The following LHX3 variants were observed in gnomAD, a reference collection of about 807,000 sequenced individuals.
LHX3 encodes LIM homeobox 3.
In LHX3, 21 loss-of-function variants were observed where a neutral mutation model predicts 32.4. That is an observed-to-expected ratio of 0.65 (90% CI 0.46 to 0.93). The LOEUF (loss-of-function observed/expected upper bound fraction) is 0.93. Ranked by LOEUF, LHX3 falls within the 40% of genes least tolerant of loss-of-function variation. The pLI, the probability that LHX3 is intolerant of heterozygous loss-of-function variation, is 0.00. For synonymous variants in LHX3, 258 were observed against 246.8 expected (o/e 1.05, Z -0.43); for missense variants, 626 against 560.0 (o/e 1.12, Z -1.19).
intron 1 of LHX3, 66 bp downstream of exon 1, chr9:136,204,868 G>C: frequency 1.5e-6 from 2 of 1,337,582 alleles, no homozygotes. Context: ...GGCCCTGCAC[G>C]CACCCCCTTC....
chr9:136,201,554 C>G, intron 1 of LHX3: 1 of 1,091,652 alleles, frequency 9.2e-7, no homozygotes, highest in Non-Finnish European at 1.1e-6. Flanking sequence ...TGAGGACTCC[C>G]TCTTCACTTA....
At chr9:136,199,414 C>T (rs1371015656) in intron 3 of LHX3, among the ~76,000 whole-genome samples, 1 of 152,256 alleles carries the variant, frequency 6.6e-6, no homozygotes, top group African/African-American at 2.4e-5. Flanking sequence ...TATGGCCCAG[C>T]CTTCGCGGCC....
At chr9:136,198,544 G>A (rs1377247124) in intron 5 of LHX3, 108 bp downstream of exon 5, 4 of 1,227,488 alleles carry the variant, frequency 3.3e-6, no homozygotes, top group Non-Finnish European at 4.6e-6. Context: ...AGAACTTAAG[G>A]AGTCCACTAA....
chr9:136,197,638 G>A lies in LHX3; in HGVS notation c.881C>T (p.Ser294Phe). ...GRPSGALGNFSLEHGGLAGPE... is the reference protein window; with the variant it reads ...GRPSGALGNFFLEHGGLAGPE... ...GCCTGCCAGGCCTCCATGCTCCAGG[G>A]AGAAGTTGCCCAGGGCTCCCGAGGG... Residue 294 changes from serine (S) to phenylalanine (F), a missense_variant, in exon 6 of 6, where the codon TCC becomes TTC. Coordinates refer to ENST00000371748, the MANE Select transcript of LHX3 (RefSeq NM_178138.6). 2 of 1,588,926 alleles carry A rather than the reference G, an allele frequency of 1.3e-6. No individual in the cohort carries two copies. Among genetic ancestry groups the A allele is most frequent in the Non-Finnish European group, 8.6e-7 (1 of 1,169,430 alleles).
At chr9:136,203,891 C>T (rs548000920) in intron 1 of LHX3, among the ~76,000 whole-genome samples, 74 of 152,372 alleles carry the variant, frequency 4.9e-4, no homozygotes, top group African/African-American at 1.7e-3. Flanking sequence ...CTCTCCAGAA[C>T]CCACCTGTCC....
intron 1 of LHX3, among the ~76,000 whole-genome samples, chr9:136,203,868 C>T (rs1338042818): frequency 6.6e-6 from 1 of 152,226 alleles, no homozygotes; most frequent in Admixed American, 6.5e-5. Flanking sequence ...TTGCCCCAGT[C>T]CACACAGGTG....
In LHX3 at chr9:136,198,189, G is replaced by A. The variant is rs75417289; in HGVS notation, c.776-446C>T. The stretch of plus-strand genomic sequence containing the variant: ...TGGGGACGCAGCATCCCCGGTGCCC[G>A]GAGAATGAAATAAATAATCCAGGCC... On this transcript the variant is annotated intron_variant, in intron 5 of 5. Transcript: ENST00000371748. Among the ~76,000 whole-genome samples the A allele has an allele frequency of 7.9e-3, 1,201 of 152,292 alleles. 29 individuals carry two copies. The South Asian group carries it at 0.087, about 11-fold the overall frequency.
In LHX3 at chr9:136,198,770, G is replaced by A. The variant is rs754028529; in HGVS notation, c.657C>T (p.Ala219=). 10 of 1,611,118 alleles carry A rather than the reference G, an allele frequency of 6.2e-6. No homozygotes were observed. Among genetic ancestry groups the A allele is most frequent in the South Asian group, 5.5e-5 (5 of 91,052 alleles). ...RAKEKRLKKD[A]GRQRWGQYFR... ...AATACTGCCCCCAGCGCTGCCGGCC[G>A]GCGTCCTTCTTCAGCCTCTTCTCCT... Residue 219 remains alanine, a synonymous_variant, in exon 5 of 6, where the codon GCC becomes GCT. Transcript: ENST00000371748.
Position 136,199,009 on chromosome 9 carries a change from G to C in LHX3, c.505C>G (p.Leu169Val). 1 of 1,591,192 alleles carries C rather than the reference G, an allele frequency of 6.3e-7. No individual in the cohort carries two copies. The highest frequency in any genetic ancestry group is 8.5e-7 in the Non-Finnish European group (1 of 1,173,362). ...RPRTTITAKQ[L>V]ETLKSAYNTS... ...TTGTAAGCGCTCTTCAGCGTCTCCAGCTGCTTGGCGGTGATGGTCGTGCGC... is the reference window on the plus strand; with the variant it reads ...TTGTAAGCGCTCTTCAGCGTCTCCACCTGCTTGGCGGTGATGGTCGTGCGC... Residue 169 changes from leucine to valine, a missense_variant, in exon 4 of 6, where the codon CTG becomes GTG. Coordinates refer to ENST00000371748, the MANE Select transcript of LHX3 (RefSeq NM_178138.6).
Position 136,201,565 on chromosome 9 carries a change from G to C in LHX3, c.80-812C>G, listed in dbSNP as rs1345127524. 3 of 1,069,424 alleles carry C rather than the reference G, an allele frequency of 2.8e-6. No individual in the cohort carries two copies. The African/African-American group carries it at 5.0e-5, about 18-fold the overall frequency. 66.2% of individuals were successfully genotyped at this position (1,069,424 alleles called of 1,614,324 possible). A position where few individuals can be genotyped will look rare whatever the true frequency, so the allele number is the denominator to read the frequency against. On this transcript the variant is annotated intron_variant, in intron 1 of 5. Coordinates refer to ENST00000371748, the MANE Select transcript of LHX3 (RefSeq NM_178138.6). ...GGGCTGAGGACTCCCTCTTCACTTAGAAAAAGTCTCTGGAAGAGAGGAGTG... is the reference window on the plus strand; with the variant it reads ...GGGCTGAGGACTCCCTCTTCACTTACAAAAAGTCTCTGGAAGAGAGGAGTG...
In LHX3 at chr9:136,197,219, CT is replaced by C; in HGVS notation, c.*105del. On this transcript the variant is annotated 3_prime_UTR_variant, in exon 6 of 6. Coordinates refer to ENST00000371748, the MANE Select transcript of LHX3 (RefSeq NM_178138.6). ...GTGGGAGGCTCCGAAGGCACCAGCC[CT>C]CCCTTGACGCCCTGGCCCCACTTCC... 1 of 1,247,078 alleles carries C rather than the reference CT, an allele frequency of 8.0e-7. No individual in the cohort carries two copies. Among genetic ancestry groups the C allele is most frequent in the South Asian group, 1.3e-5 (1 of 77,684 alleles). 77.3% of individuals were successfully genotyped at this position (1,247,078 alleles called of 1,614,324 possible). A position where few individuals can be genotyped will look rare whatever the true frequency, so the allele number is the denominator to read the frequency against.
intron 1 of LHX3, among the ~76,000 whole-genome samples, chr9:136,202,215 T>G (rs928349348): frequency 6.6e-6 from 1 of 151,324 alleles, no homozygotes; most frequent in Non-Finnish European, 1.5e-5. Context: ...AATAAATAAA[T>G]AAGTAGGGAA....
intron 2 of LHX3, chr9:136,200,149 G>T (rs1441840823): frequency 8.3e-6 from 5 of 599,430 alleles, no homozygotes; most frequent in Admixed American, 2.7e-5. Context: ...TCCGGAGGGA[G>T]AGGACCCATC....
intron 1 of LHX3, among the ~76,000 whole-genome samples, chr9:136,203,891 C>G (rs548000920): frequency 1.3e-5 from 2 of 152,254 alleles, no homozygotes; most frequent in Non-Finnish European, 2.9e-5. Context: ...CTCTCCAGAA[C>G]CCACCTGTCC....
In LHX3 at chr9:136,199,071, G is replaced by C; in HGVS notation, c.455-12C>G. On this transcript the variant is annotated splice_polypyrimidine_tract_variant and intron_variant, in intron 3 of 5. Coordinates refer to ENST00000371748, the MANE Select transcript of LHX3 (RefSeq NM_178138.6). ...CGTGGCCTCGGCCTCTGCGCGGCGG[G>C]CGAGCGGTGAGGCGCGGCAGCCCCT... 1.3e-6 allele frequency: 2 copies of C among 1,493,678 alleles called. No homozygotes were observed. The highest frequency in any genetic ancestry group is 1.8e-6 in the Non-Finnish European group (2 of 1,124,268). The allele number at this position is 1,493,678 out of a possible 1,614,324, so 92.5% of individuals were successfully genotyped here. A position where few individuals can be genotyped will look rare whatever the true frequency, so the allele number is the denominator to read the frequency against.
Position 136,198,991 on chromosome 9 carries a change from C to T in LHX3, c.523G>A (p.Ala175Thr), listed in dbSNP as rs867836240. The T allele has an allele frequency of 6.3e-7, 1 of 1,593,070 alleles. No homozygotes were observed. Residue 175 changes from alanine (A) to threonine (T), a missense_variant, in exon 4 of 6, where the codon GCT becomes ACT. By Grantham distance (58) the Ala-to-Thr change is moderately conservative. Coordinates refer to ENST00000371748, the MANE Select transcript of LHX3 (RefSeq NM_178138.6). The part of the protein sequence containing the change: ...TAKQLETLKS[A>T]YNTSPKPARH... ...GCCGGCTTGGGCGAGGTGTTGTAAG[C>T]GCTCTTCAGCGTCTCCAGCTGCTTG...
chr9:136,198,506 G>A, intron 5 of LHX3, 146 bp downstream of exon 5: 1 of 968,114 alleles, frequency 1.0e-6, no homozygotes, highest in Non-Finnish European at 1.5e-6. Flanking sequence ...GGGGGAGCAG[G>A]TTCTGTAAGT....
At chr9:136,204,871 C>T in intron 1 of LHX3, 63 bp downstream of exon 1, 1 of 1,371,682 alleles carries the variant, frequency 7.3e-7, no homozygotes, top group Non-Finnish European at 1.0e-6. Context: ...CCTGCACGCA[C>T]CCCCTTCCTC....
chr9:136,205,104 CG>C lies in LHX3; in HGVS notation c.-93del. ...GGCTCCCAAGTCCCGCCGCGTCGTG[CG>C]GGGCAGGGAGCCCGGGAGCCACTGG... is the stretch of plus-strand genomic sequence containing the variant. On this transcript the variant is annotated 5_prime_UTR_variant, in exon 1 of 6. Transcript: ENST00000371748. The C allele has an allele frequency of 8.9e-7, 1 of 1,124,800 alleles. No individual in the cohort carries two copies. Among genetic ancestry groups the C allele is most frequent in the Non-Finnish European group, 1.2e-6 (1 of 808,826 alleles). 69.7% of individuals were successfully genotyped at this position (1,124,800 alleles called of 1,614,324 possible).
Sources: allele counts gnomAD v4.1 joint callset (sites outside exome capture counted in the v4.1 genomes callset), GRCh38; gene constraint gnomAD v4.1.1; transcripts MANE v1.5; gene names NCBI Gene and HGNC (gene_info 2026-07-23, HGNC 2026-07-21).